The following QRFPR variants were observed in gnomAD, a reference collection of about 807,000 sequenced individuals.
QRFPR encodes pyroglutamylated RFamide peptide receptor.
QRFPR carries 37 observed loss-of-function variants against 31.3 expected under a neutral mutation model. That is an observed-to-expected ratio of 1.18 (90% confidence interval 0.91 to 1.56). QRFPR has a LOEUF of 1.56. Ranked by LOEUF, QRFPR falls within the 40% of genes most tolerant of loss-of-function variation. The probability of loss-of-function intolerance (pLI) is 0.00; values close to 1 mark genes in which losing one functional copy is unlikely to be tolerated. For missense variants in QRFPR, 542 were observed against 532.5 expected, an observed-to-expected ratio of 1.02 and a Z score of -0.18; for synonymous variants, 197 against 192.0, an observed-to-expected ratio of 1.03 and a Z score of -0.22.
In QRFPR at chr4:121,380,358, A is replaced by T; in HGVS notation, c.290T>A (p.Phe97Tyr). The change falls in exon 1 of 6, where the codon TTC (phenylalanine) becomes TAC (tyrosine). Residue 97 changes from phenylalanine to tyrosine, a missense_variant. Physicochemically the swap from Phe to Tyr is conservative, Grantham distance 22 (BLOSUM62 3). Transcript: ENST00000394427. ...CTGGAGCATGGTGACGGGAATGCAG[A>T]AGAAGGTGATGAGCAGGTCACTGAG... Reference protein sequence around the residue: ...LALSDLLITFFCIPVTMLQNI... With the variant: ...LALSDLLITFYCIPVTMLQNI... 6.2e-7 allele frequency: 1 copy of T among 1,614,134 alleles called. No individual in the cohort carries two copies. The highest frequency in any genetic ancestry group is 8.5e-7 in the Non-Finnish European group (1 of 1,179,996).
intron 1 of QRFPR, among the ~76,000 whole-genome samples, chr4:121,357,010 C>G (rs1725883641): frequency 6.6e-6 from 1 of 152,058 alleles, no homozygotes; most frequent in Non-Finnish European, 1.5e-5. Context: ...TCAAACAAAA[C>G]CTAAATAAAG....
intron 3 of QRFPR, among the ~76,000 whole-genome samples, chr4:121,334,227 C>G (rs1348924726): frequency 6.6e-6 from 1 of 152,220 alleles, no homozygotes; most frequent in Non-Finnish European, 1.5e-5. Context: ...TACGGACTTC[C>G]TGACTTCAGC....
intron 1 of QRFPR, among the ~76,000 whole-genome samples, chr4:121,379,569 A>G (rs562940424): frequency 1.1e-4 from 16 of 152,100 alleles, no homozygotes; most frequent in African/African-American, 3.6e-4. Context: ...TTTTTTTCCA[A>G]CCTCCACACA....
At chr4:121,347,695 T>G (rs1725681811) in intron 1 of QRFPR, among the ~76,000 whole-genome samples, 1 of 152,192 alleles carries the variant, frequency 6.6e-6, no homozygotes, top group African/African-American at 2.4e-5. Flanking sequence ...TTTCGCATTC[T>G]TCTTTCTCCA....
chr4:121,373,998 C>T (rs35738071), intron 1 of QRFPR, among the ~76,000 whole-genome samples: 24,579 of 152,076 alleles, frequency 0.16, 2,494 homozygotes, highest in Non-Finnish European at 0.24. Context: ...TTCTGTTACC[C>T]GCCCACATCC....
chr4:121,340,441 A>G lies in QRFPR; in HGVS notation c.499+11T>C. 1 of 1,613,742 alleles carries G rather than the reference A, an allele frequency of 6.2e-7. No homozygotes were observed. Among genetic ancestry groups the G allele is most frequent in the East Asian group, 2.2e-5 (1 of 44,864 alleles). On this transcript the variant is annotated intron_variant, in intron 2 of 5. Transcript: ENST00000394427. ...CATTCACACTGCCATTGGCACATCC[A>G]GTGGCCTCACCTAGCATTGTGAAAG...
intron 3 of QRFPR, among the ~76,000 whole-genome samples, chr4:121,336,226 A>ACAGG (rs1475900968): frequency 6.6e-6 from 1 of 152,204 alleles, no homozygotes; most frequent in Non-Finnish European, 1.5e-5. Context: ...ACCCTAACAG[A>ACAGG]CAGGCTGGGC....
chr4:121,361,829 T>G (rs1465416103), intron 1 of QRFPR, among the ~76,000 whole-genome samples: 1 of 150,232 alleles, frequency 6.7e-6, no homozygotes, highest in Admixed American at 6.6e-5. Flanking sequence ...CCTAATGACA[T>G]GTAGTGCTGG....
chr4:121,335,813 CA>C, intron 3 of QRFPR, among the ~76,000 whole-genome samples: 1 of 152,152 alleles, frequency 6.6e-6, no homozygotes, highest in East Asian at 1.9e-4. Context: ...TGAAAGTAAC[CA>C]GAGAAATTTT....
Position 121,332,945 on chromosome 4 carries a change from G to A in QRFPR, c.673C>T (p.Leu225=), listed in dbSNP as rs746564389. 3 of 1,614,012 alleles carry A rather than the reference G, an allele frequency of 1.9e-6. No homozygotes were observed. The highest frequency in any genetic ancestry group is 2.5e-6 in the Non-Finnish European group (3 of 1,179,904). The change falls in exon 4 of 6, where the codon CTG becomes TTG. Residue 225 remains leucine (L), a synonymous_variant. Coordinates refer to ENST00000394427, the MANE Select transcript of QRFPR (RefSeq NM_198179.3). ...AGAATAAGCATCACCATAAGAGGCA[G>A]GAGGAAGAGGATGACAAGGATGAAG... is the stretch of plus-strand genomic sequence containing the variant. ...TTFILVILFL[L]PLMVMLILYS... is the part of the protein sequence containing the mutation.
chr4:121,360,496 A>AGG (rs1270378739), intron 1 of QRFPR, among the ~76,000 whole-genome samples: 2 of 152,080 alleles, frequency 1.3e-5, no homozygotes, highest in African/African-American at 4.8e-5. Context: ...TTTTTAGGTC[A>AGG]ACTGTGCTTG....
At chr4:121,351,942 C>T (rs1725768975) in intron 1 of QRFPR, among the ~76,000 whole-genome samples, 1 of 150,702 alleles carries the variant, frequency 6.6e-6, no homozygotes, top group African/African-American at 2.4e-5. Flanking sequence ...AACAATGCAA[C>T]CAAAAAATGA....
At chr4:121,330,717 T>C (rs1244445788) in intron 4 of QRFPR, among the ~76,000 whole-genome samples, 194 bp from the exon 5 acceptor site, 1 of 152,212 alleles carries the variant, frequency 6.6e-6, no homozygotes, top group Non-Finnish European at 1.5e-5. Flanking sequence ...GTTCTTTGAA[T>C]GTCTGCTCAT....
chr4:121,361,386 A>G (rs1211582905), intron 1 of QRFPR, among the ~76,000 whole-genome samples: 1 of 150,138 alleles, frequency 6.7e-6, no homozygotes, highest in Non-Finnish European at 1.5e-5. Context: ...TGTAGCAACT[A>G]CTTCTATGAT....
At position 121,329,080 on chromosome 4, in the gene QRFPR, C is replaced by T; in HGVS notation, c.*234G>A. 1 of 391,360 alleles carries T rather than the reference C, an allele frequency of 2.6e-6. No individual in the cohort carries two copies. Among genetic ancestry groups the T allele is most frequent in the Non-Finnish European group, 4.5e-6 (1 of 222,376 alleles). The allele number at this position is 391,360 out of a possible 1,614,324, so 24.2% of individuals were successfully genotyped here. A position where few individuals can be genotyped will look rare whatever the true frequency, so the allele number is the denominator to read the frequency against. On this transcript the variant is annotated 3_prime_UTR_variant, in exon 6 of 6. Coordinates refer to ENST00000394427, the MANE Select transcript of QRFPR (RefSeq NM_198179.3). ...TCCATGTTGCTTTTTTAAGGCTAGT[C>T]AAGTGAAGCAGTGGGAATGAGAAGG...
intron 1 of QRFPR, among the ~76,000 whole-genome samples, chr4:121,376,800 C>T (rs988620533): frequency 1.3e-5 from 2 of 151,562 alleles, no homozygotes; most frequent in African/African-American, 4.9e-5. Context: ...GTAGCCAGGT[C>T]TAAGAGCCAT....
Position 121,367,226 on chromosome 4 carries a change from T to C in QRFPR, c.340+13082A>G, listed in dbSNP as rs531867752. On this transcript the variant is annotated intron_variant, in intron 1 of 5. Coordinates refer to ENST00000394427, the MANE Select transcript of QRFPR (RefSeq NM_198179.3). ...CAGTGGGACCGCTTCCTAGGAACAT[T>C]GGTGTTGCAACATTGTGCCCACAGT... Among the ~76,000 whole-genome samples the C allele has an allele frequency of 2.0e-5, 3 of 149,730 alleles. 1 individual carries two copies. Among genetic ancestry groups the C allele is most frequent in the Non-Finnish European group, 4.4e-5 (3 of 67,564 alleles).
chr4:121,354,138 C>T (rs921967572), intron 1 of QRFPR, among the ~76,000 whole-genome samples: 13 of 151,898 alleles, frequency 8.6e-5, no homozygotes, highest in Admixed American at 1.3e-4. Flanking sequence ...GAAGTCAGAT[C>T]GTGCGGTTTT....
At chr4:121,360,576 C>T (rs556286229) in intron 1 of QRFPR, among the ~76,000 whole-genome samples, 3 of 152,262 alleles carry the variant, frequency 2.0e-5, no homozygotes, top group Admixed American at 6.5e-5. Context: ...CACACACACA[C>T]GTATCCAAAA....
Sources: allele counts gnomAD v4.1 joint callset (sites outside exome capture counted in the v4.1 genomes callset), GRCh38; gene constraint gnomAD v4.1.1; transcripts MANE v1.5; gene names NCBI Gene and HGNC (gene_info 2026-07-23, HGNC 2026-07-21).